Variants in SLC44A1 observed in about 807,000 individuals in gnomAD.
The protein encoded by SLC44A1 is solute carrier family 44 member 1, also known as choline transporter-like protein 1.
In SLC44A1, 26 loss-of-function variants were observed where a neutral mutation model predicts 79.3. That is an observed-to-expected ratio of 0.33 (90% CI 0.24 to 0.46). SLC44A1 has a LOEUF of 0.46. Among genes scored for constraint, SLC44A1 ranks in the 20% least tolerant of loss-of-function variants. SLC44A1 has a pLI of 1.00. For missense variants in SLC44A1, 688 were observed against 798.1 expected (o/e 0.86, Z 1.66); for synonymous variants, 263 against 286.2 (o/e 0.92, Z 0.82).
At chr9:105,290,393 A>C (rs1830575726) in intron 1 of SLC44A1, among the ~76,000 whole-genome samples, 1 of 152,178 alleles carries the variant, frequency 6.6e-6, no homozygotes. Context: ...GAAAACTATA[A>C]TTTAAAAAAA....
At chr9:105,315,825 T>C (rs1831308807) in intron 3 of SLC44A1, among the ~76,000 whole-genome samples, 1 of 152,198 alleles carries the variant, frequency 6.6e-6, no homozygotes, top group South Asian at 2.1e-4. Flanking sequence ...TTGTACAGTG[T>C]TTCATTATGT....
chr9:105,283,062 C>T (rs1276655247), intron 1 of SLC44A1, among the ~76,000 whole-genome samples: 3 of 152,080 alleles, frequency 2.0e-5, no homozygotes, highest in African/African-American at 7.2e-5. Context: ...AAACCTTGGG[C>T]CACAGATGGG....
At chr9:105,340,234 C>T (rs1452366989) in intron 4 of SLC44A1, among the ~76,000 whole-genome samples, 4 of 152,188 alleles carry the variant, frequency 2.6e-5, no homozygotes, top group African/African-American at 9.7e-5. Context: ...AATTCTGACA[C>T]ATGCTATAAC....
intron 1 of SLC44A1, among the ~76,000 whole-genome samples, chr9:105,283,715 A>G (rs531038873): frequency 1.1e-3 from 172 of 152,346 alleles, no homozygotes; most frequent in Middle Eastern, 3.4e-3. Flanking sequence ...TAAAAATCCA[A>G]TCCCAATATG....
chr9:105,353,639 T>C (rs1213116126), intron 5 of SLC44A1, among the ~76,000 whole-genome samples: 1 of 152,084 alleles, frequency 6.6e-6, no homozygotes. Context: ...GGGGCTTTTA[T>C]AGTTGCCTAG....
intron 2 of SLC44A1, among the ~76,000 whole-genome samples, chr9:105,306,951 G>A (rs891788035): frequency 6.6e-6 from 1 of 152,034 alleles, no homozygotes. Context: ...ATTTTTGTAC[G>A]GTAACGAAAT....
chr9:105,399,339 G>C (rs1329105569), downstream of SLC44A1, among the ~76,000 whole-genome samples: 1 of 152,216 alleles, frequency 6.6e-6, no homozygotes, highest in African/African-American at 2.4e-5. Flanking sequence ...AACTGCCTTC[G>C]AGGCAAAACA....
intron 13 of SLC44A1, among the ~76,000 whole-genome samples, chr9:105,378,211 T>C (rs1828354094): frequency 6.6e-6 from 1 of 152,232 alleles, no homozygotes; most frequent in Non-Finnish European, 1.5e-5. Flanking sequence ...ATAGCGCCAC[T>C]GCACTGCAGC....
At chr9:105,372,533 A>G (rs1588843683) in intron 12 of SLC44A1, among the ~76,000 whole-genome samples, 2 of 151,720 alleles carry the variant, frequency 1.3e-5, no homozygotes, top group South Asian at 4.2e-4. Context: ...CAGGCAATCC[A>G]CCTGCCTCGA....
intron 1 of SLC44A1, among the ~76,000 whole-genome samples, chr9:105,274,230 G>A (rs535408760): frequency 5.9e-5 from 9 of 152,116 alleles, no homozygotes; most frequent in Admixed American, 1.3e-4. Flanking sequence ...CTCCTTTTCC[G>A]CTTTGATTCT....
rs1588833636 is a variant in SLC44A1, at chr9:105,362,889, A to G, written c.969A>G (p.Val323=). ...CTCTTACCATCGCCTTGTTCCACGTAGCTGGCAAGGTCTTCATTCACTTGC... is the reference window on the plus strand; with the variant it reads ...CTCTTACCATCGCCTTGTTCCACGTGGCTGGCAAGGTCTTCATTCACTTGC... ...RVALTIALFH[V]AGKVFIHLPL... The change falls in exon 9 of 16, where the codon GTA becomes GTG. Residue 323 remains valine, a synonymous_variant. Coordinates refer to ENST00000374720, the MANE Select transcript of SLC44A1 (RefSeq NM_080546.5). The G allele has an allele frequency of 1.2e-6, 2 of 1,613,762 alleles. No homozygotes were observed. Among genetic ancestry groups the G allele is most frequent in the Non-Finnish European group, 1.7e-6 (2 of 1,179,846 alleles).
chr9:105,282,157 G>C (rs1364127916), intron 1 of SLC44A1, among the ~76,000 whole-genome samples: 1 of 152,068 alleles, frequency 6.6e-6, no homozygotes, highest in African/African-American at 2.4e-5. Flanking sequence ...TGACTCATTG[G>C]GTGTGGAGGT....
chr9:105,318,717 A>C (rs776483603), intron 3 of SLC44A1, among the ~76,000 whole-genome samples: 1 of 148,116 alleles, frequency 6.8e-6, no homozygotes, highest in Non-Finnish European at 1.5e-5. Flanking sequence ...AATTTGAAAG[A>C]GGAGATCCAG....
Position 105,392,289 on chromosome 9 carries a change from A to G in SLC44A1, c.*3233A>G, listed in dbSNP as rs1162930129. 2.0e-5 allele frequency: 20 copies of G among 983,668 alleles called. No homozygotes were observed. The Admixed American group carries it at 1.2e-3, about 58-fold the overall frequency. The allele number at this position is 983,668 out of a possible 1,614,324, so 60.9% of individuals were successfully genotyped here. On this transcript the variant is annotated 3_prime_UTR_variant, in exon 16 of 16. Transcript: ENST00000374720. ...ACTACAACTTAAGTAGCTTAACTGT[A>G]TGTTGGTACCCAAACTTTTTCTATA...
At chr9:105,312,930 C>T (rs1013440813) in intron 3 of SLC44A1, among the ~76,000 whole-genome samples, 4 of 152,126 alleles carry the variant, frequency 2.6e-5, no homozygotes, top group African/African-American at 9.7e-5. Context: ...TCCTCAAGAG[C>T]CTTTCCTTTG....
intron 5 of SLC44A1, among the ~76,000 whole-genome samples, chr9:105,351,176 C>G (rs917960467): frequency 6.6e-6 from 1 of 152,172 alleles, no homozygotes; most frequent in African/African-American, 2.4e-5. Flanking sequence ...TTGGGCACCT[C>G]TGGATGCCAG....
intron 6 of SLC44A1, chr9:105,357,258 G>A (rs1384844265): frequency 2.0e-5 from 3 of 152,144 alleles, no homozygotes; most frequent in Admixed American, 6.5e-5. Context: ...TTGCAAAAGT[G>A]AGTACCTTAA....
At chr9:105,343,145 C>T (rs1279577082) in intron 4 of SLC44A1, among the ~76,000 whole-genome samples, 1 of 152,044 alleles carries the variant, frequency 6.6e-6, no homozygotes, top group Non-Finnish European at 1.5e-5. Context: ...TTCCCTAACA[C>T]AGTAGTAAAG....
intron 1 of SLC44A1, among the ~76,000 whole-genome samples, chr9:105,272,987 A>G (rs1830110980): frequency 6.6e-6 from 1 of 151,266 alleles, no homozygotes; most frequent in South Asian, 2.1e-4. Flanking sequence ...ATGTATGTAT[A>G]TATAATTTTT....
Sources: gnomAD v4.1 joint callset for allele counts (sites outside exome capture counted in the v4.1 genomes callset) on GRCh38, gnomAD v4.1.1 for gene constraint, MANE v1.5 for transcripts, NCBI Gene and HGNC (gene_info 2026-07-23, HGNC 2026-07-21) for gene names.